CAMTA1: variants seen among roughly 807,000 people sequenced by gnomAD.
The protein encoded by CAMTA1 is calmodulin binding transcription activator 1.
In CAMTA1, 27 loss-of-function variants were observed where a neutral mutation model predicts 170.9. The ratio of observed to expected loss-of-function variants is 0.16; its 90% confidence interval spans 0.12 to 0.22. The LOEUF is 0.22. Ranked by LOEUF, CAMTA1 falls within the 10% of genes least tolerant of loss-of-function variation. The pLI, the probability that CAMTA1 is intolerant of heterozygous loss-of-function variation, is 1.00. For synonymous variants in CAMTA1, 833 were observed against 891.5 expected (o/e 0.93, Z 1.17); for missense variants, 1,619 against 2,217.2 (o/e 0.73, Z 5.42).
At chr1:6,818,029 G>C (rs570403202) in intron 1 of CAMTA1, among the ~76,000 whole-genome samples, 2 of 152,276 alleles carry the variant, frequency 1.3e-5, no homozygotes, top group South Asian at 2.1e-4. Context: ...ACTTTAGTCA[G>C]ATTGCAACAT....
intron 6 of CAMTA1, among the ~76,000 whole-genome samples, chr1:7,548,111 C>G (rs1294987737): frequency 1.3e-5 from 2 of 152,192 alleles, no homozygotes; most frequent in Admixed American, 6.5e-5. Context: ...TAAGAATTAA[C>G]AATTGCAAAC....
intron 3 of CAMTA1, among the ~76,000 whole-genome samples, chr1:6,920,777 A>G (rs1188064576): frequency 6.6e-6 from 1 of 152,248 alleles, no homozygotes; most frequent in Non-Finnish European, 1.5e-5. Flanking sequence ...CCTCTGAAGC[A>G]ACAGCCTGAG....
At chr1:7,410,721 A>G (rs763165) in intron 5 of CAMTA1, among the ~76,000 whole-genome samples, 128,272 of 152,148 alleles carry the variant, frequency 0.84, 55,114 homozygotes, top group East Asian at 0.99. Context: ...CAGCCCATGT[A>G]GCGGGGCTGG....
intron 4 of CAMTA1, among the ~76,000 whole-genome samples, chr1:7,129,475 G>A (rs991404918): frequency 3.3e-5 from 5 of 152,152 alleles, no homozygotes; most frequent in Non-Finnish European, 4.4e-5. Flanking sequence ...GAGGGGGAGC[G>A]TTTTGTGACC....
At chr1:7,168,839 T>C (rs1649037809) in intron 4 of CAMTA1, among the ~76,000 whole-genome samples, 1 of 152,238 alleles carries the variant, frequency 6.6e-6, no homozygotes, top group Non-Finnish European at 1.5e-5. Context: ...TAGCAGGAAC[T>C]CTTGCCTCAT....
rs541466468 is a variant in CAMTA1 at position 7,634,057 on chromosome 1, G to A, written c.511-6343G>A. ...ACAGGTGGCCCGGCCTGGAACCGTG[G>A]CAGGAGTGTGGGCCTGATCTCAGTG... On this transcript the variant is annotated intron_variant, in intron 6 of 22. Coordinates refer to ENST00000303635, the MANE Select transcript of CAMTA1 (RefSeq NM_015215.4). This position sits in a 1 kb window ranked among gnomAD's most constrained non-coding sequence, Gnocchi z 6.2. Among the ~76,000 whole-genome samples the A allele has an allele frequency of 8.5e-5, 13 of 152,316 alleles. No individual in the cohort carries two copies. Among genetic ancestry groups the A allele is most frequent in the Admixed American group, 7.2e-4 (11 of 15,304 alleles).
chr1:7,063,191 C>A lies in CAMTA1; in HGVS notation c.235-28113C>A, dbSNP rs933660415. 1.3e-5 allele frequency among the ~76,000 whole-genome samples: 2 copies of A among 152,148 alleles called. No homozygotes were observed. Among genetic ancestry groups the A allele is most frequent in the African/African-American group, 4.8e-5 (2 of 41,422 alleles). On this transcript the variant is annotated intron_variant, in intron 3 of 22. Transcript: ENST00000303635. The surrounding 1 kb of genome is among the most constrained non-coding windows in gnomAD (Gnocchi z 4.3). ...CAGGATGCTGATCGGATAACCAGTG[C>A]CCGAAAAAATGTGGTTGTTGAATTT...
In CAMTA1 at chr1:7,535,422, A is replaced by G. The variant is rs149088794; in HGVS notation, c.510+67521A>G. Among the ~76,000 whole-genome samples the G allele has an allele frequency of 2.6e-3, 402 of 152,284 alleles. 2 individuals carry two copies. The highest frequency in any genetic ancestry group is 8.4e-3 in the African/African-American group (351 of 41,556). ...GCTCAATCTTTACGTCAGACAGAGT[A>G]TGTGGGCTCAGGACCTGCCCTGTGA... On this transcript the variant is annotated intron_variant, in intron 6 of 22. Transcript: ENST00000303635.
chr1:7,337,242 C>T (rs949884089), intron 5 of CAMTA1, among the ~76,000 whole-genome samples: 12 of 152,184 alleles, frequency 7.9e-5, no homozygotes, highest in East Asian at 1.9e-4. Flanking sequence ...TGTGTCCACC[C>T]GACTGCCACA....
At chr1:7,150,644 C>T (rs544440466) in intron 4 of CAMTA1, among the ~76,000 whole-genome samples, 1 of 152,098 alleles carries the variant, frequency 6.6e-6, no homozygotes, top group African/African-American at 2.4e-5. Flanking sequence ...CAGAATCACC[C>T]CTCACCGAGA....
At chr1:6,950,252 T>G (rs1688253646) in intron 3 of CAMTA1, among the ~76,000 whole-genome samples, 1 of 152,196 alleles carries the variant, frequency 6.6e-6, no homozygotes, top group African/African-American at 2.4e-5. Flanking sequence ...CAGGCCTAAT[T>G]ACCAAGAGGA....
chr1:6,888,220 C>T (rs563763956), intron 3 of CAMTA1: 8 of 985,958 alleles, frequency 8.1e-6, no homozygotes, highest in East Asian at 1.1e-4. Context: ...TCACTTGCGT[C>T]GCATCCTTTC....
chr1:7,154,741 G>C (rs1348910210), intron 4 of CAMTA1, among the ~76,000 whole-genome samples: 4 of 152,204 alleles, frequency 2.6e-5, no homozygotes, highest in Non-Finnish European at 4.4e-5. Context: ...AAGCTCTTGG[G>C]AAAGGAGACT....
At chr1:7,123,334 A>G (rs1644754314) in intron 4 of CAMTA1, among the ~76,000 whole-genome samples, 2 of 151,788 alleles carry the variant, frequency 1.3e-5, no homozygotes, top group African/African-American at 4.8e-5. Context: ...TCCGTGTCCA[A>G]TTCTCCCTCT....
At chr1:7,360,384 C>A (rs1055535120) in intron 5 of CAMTA1, among the ~76,000 whole-genome samples, 2 of 152,194 alleles carry the variant, frequency 1.3e-5, no homozygotes, top group African/African-American at 4.8e-5. Flanking sequence ...TACACTGATG[C>A]ACTGGAGTGT....
chr1:7,618,797 T>C (rs2095577414), intron 6 of CAMTA1, among the ~76,000 whole-genome samples: 1 of 152,216 alleles, frequency 6.6e-6, no homozygotes, highest in Non-Finnish European at 1.5e-5. Flanking sequence ...AACTTCCCTG[T>C]TCCTTTGATA....
intron 6 of CAMTA1, among the ~76,000 whole-genome samples, chr1:7,536,703 C>T (rs2094553329): frequency 1.3e-5 from 2 of 152,184 alleles, no homozygotes; most frequent in African/African-American, 4.8e-5. Flanking sequence ...GAGGTGTGGA[C>T]GCAGGGCTTT....
intron 10 of CAMTA1, among the ~76,000 whole-genome samples, chr1:7,676,868 C>G (rs1426330226): frequency 1.3e-5 from 2 of 152,214 alleles, no homozygotes; most frequent in African/African-American, 4.8e-5. Context: ...AGGCTGGCTT[C>G]GTCTTACTCA....
intron 9 of CAMTA1, among the ~76,000 whole-genome samples, chr1:7,669,902 C>T (rs2096041569): frequency 6.6e-6 from 1 of 152,264 alleles, no homozygotes. Flanking sequence ...ACCTCCCTCT[C>T]TCATCACTAA....
Sources: allele counts gnomAD v4.1 joint callset (sites outside exome capture counted in the v4.1 genomes callset), GRCh38; gene constraint gnomAD v4.1.1; non-coding constraint Gnocchi (gnomAD v3.1); transcripts MANE v1.5; gene names NCBI Gene and HGNC (gene_info 2026-07-23, HGNC 2026-07-21).